Variants in DGLUCY observed in about 807,000 individuals in gnomAD.
The protein encoded by DGLUCY is D-glutamate cyclase, mitochondrial.
In DGLUCY, 58 loss-of-function variants were observed where a neutral mutation model predicts 58.5. The observed-to-expected ratio is 0.99, with a 90% CI of 0.80 to 1.23. The LOEUF is 1.23. DGLUCY is among the 50% of genes most tolerant of loss of function. DGLUCY has a pLI of 0.00. For synonymous variants in DGLUCY, 325 were observed against 314.1 expected, an observed-to-expected ratio of 1.03 and a Z score of -0.37; for missense variants, 779 against 784.7, an observed-to-expected ratio of 0.99 and a Z score of 0.09.
Position 91,114,266 on chromosome 14 carries a change from A to G in DGLUCY, c.-99A>G, listed in dbSNP as rs2044772408. ...GAGGAACTGTTTGTAGCCCTCGTCC[A>G]GACGCCCCAAACAAACAGTAAGTCA... On this transcript the variant is annotated 5_prime_UTR_variant, in exon 1 of 14. Coordinates refer to ENST00000256324, the MANE Select transcript of DGLUCY (RefSeq NM_001102368.3). 6.6e-6 allele frequency: 1 copy of G among 152,348 alleles called. No individual in the cohort carries two copies. The highest frequency in any genetic ancestry group is 2.4e-5 in the African/African-American group (1 of 41,474). The allele number at this position is 152,348 out of a possible 1,614,324, so 9.4% of individuals were successfully genotyped here. A position where few individuals can be genotyped will look rare whatever the true frequency, so the allele number is the denominator to read the frequency against.
At chr14:91,135,377 C>T (rs778993643) in intron 1 of DGLUCY, among the ~76,000 whole-genome samples, 3 of 152,106 alleles carry the variant, frequency 2.0e-5, no homozygotes, top group South Asian at 2.1e-4. Flanking sequence ...AGGCCAGGCA[C>T]GGTGGCTCAC....
intron 1 of DGLUCY, among the ~76,000 whole-genome samples, chr14:91,092,147 G>A (rs1289182182): frequency 6.6e-6 from 1 of 152,186 alleles, no homozygotes; most frequent in African/African-American, 2.4e-5. Flanking sequence ...TTCAGCCCAT[G>A]TTAATTTCAT....
rs542113509 is a variant in DGLUCY at position 91,086,213 on chromosome 14, C to T, written c.-82+25509C>T. Among the ~76,000 whole-genome samples the T allele has an allele frequency of 1.6e-4, 25 of 152,210 alleles. No homozygotes were observed. In the South Asian group the frequency reaches 5.0e-3, roughly 30 times the overall value. On this transcript the variant is annotated intron_variant, in intron 1 of 4. Transcript: ENST00000521334. ...AGCAAGGTCAGGGCTCCCACTGATT[C>T]TATATTATGGTGAGTATAATCATTT... is the stretch of plus-strand genomic sequence containing the variant.
At chr14:91,211,926 C>T (rs1413505398) in intron 12 of DGLUCY, among the ~76,000 whole-genome samples, 1 of 152,066 alleles carries the variant, frequency 6.6e-6, no homozygotes, top group African/African-American at 2.4e-5. Context: ...TCAGCCTCCC[C>T]AGTAGCTGGG....
At chr14:91,099,720 G>T (rs1035661004) in intron 1 of DGLUCY, among the ~76,000 whole-genome samples, 8 of 152,070 alleles carry the variant, frequency 5.3e-5, no homozygotes, top group African/African-American at 1.9e-4. Flanking sequence ...GGGTCAGTTG[G>T]GCTGAGAATC....
chr14:91,129,681 T>C (rs1329122804), intron 1 of DGLUCY, among the ~76,000 whole-genome samples: 1 of 152,036 alleles, frequency 6.6e-6, no homozygotes, highest in African/African-American at 2.4e-5. Context: ...AGTTTCACTC[T>C]TGTTGCCCAG....
intron 1 of DGLUCY, among the ~76,000 whole-genome samples, chr14:91,120,329 CTCT>C (rs2045270547): frequency 6.6e-6 from 1 of 152,146 alleles, no homozygotes; most frequent in Admixed American, 6.5e-5. Context: ...CCTCATCAGT[CTCT>C]TCTTGTATTT....
At chr14:91,171,267 T>C (rs1424106023) in intron 5 of DGLUCY, among the ~76,000 whole-genome samples, 1 of 152,202 alleles carries the variant, frequency 6.6e-6, no homozygotes, top group Non-Finnish European at 1.5e-5. Flanking sequence ...CTGTACAATG[T>C]CAATAACAGA....
chr14:91,143,973 C>G, intron 1 of DGLUCY, among the ~76,000 whole-genome samples: 1 of 152,290 alleles, frequency 6.6e-6, no homozygotes, highest in East Asian at 1.9e-4. Context: ...TGTGCCACCG[C>G]GAAGGGCCAC....
At chr14:91,076,480 G>A (rs2044024519) in intron 1 of DGLUCY, among the ~76,000 whole-genome samples, 1 of 151,944 alleles carries the variant, frequency 6.6e-6, no homozygotes. Context: ...TCCATCCAAG[G>A]TTGTCTGCAG....
Position 91,173,381 on chromosome 14 carries a change from G to T in DGLUCY, c.549G>T (p.Val183=), listed in dbSNP as rs989255751. ...PIPKDKLEGL[V]RACCSLGGEQ... Reference sequence around the variant, plus strand: ...CCAAGGACAAGCTGGAAGGGCTGGTGCGGGCCTGCTGCTCCCTCGGAGGTG... The same window carrying T: ...CCAAGGACAAGCTGGAAGGGCTGGTTCGGGCCTGCTGCTCCCTCGGAGGTG... Residue 183 remains valine (V), a synonymous_variant, in exon 6 of 14, where the codon GTG becomes GTT. Transcript: ENST00000256324. 6.2e-7 allele frequency: 1 copy of T among 1,612,998 alleles called. No homozygotes were observed. Among genetic ancestry groups the T allele is most frequent in the Admixed American group, 1.7e-5 (1 of 59,702 alleles).
chr14:91,064,433 G>C (rs1354131927), intron 1 of DGLUCY, among the ~76,000 whole-genome samples: 2 of 152,022 alleles, frequency 1.3e-5, no homozygotes, highest in East Asian at 3.9e-4. Context: ...GACCAGCCTG[G>C]TCAACAAGGT....
intron 1 of DGLUCY, among the ~76,000 whole-genome samples, chr14:91,152,629 C>T (rs937277795): frequency 1.4e-4 from 22 of 152,150 alleles, no homozygotes; most frequent in Non-Finnish European, 1.5e-4. Flanking sequence ...ATTTAGGCTA[C>T]CACCAGCAAC....
chr14:91,181,555 A>G (rs1273818713), intron 8 of DGLUCY, among the ~76,000 whole-genome samples, 166 bp downstream of exon 8: 1 of 152,228 alleles, frequency 6.6e-6, no homozygotes, highest in Admixed American at 6.5e-5. Flanking sequence ...CTAGAATTAA[A>G]TACACCAAAA....
chr14:91,163,339 G>A (rs374390511), intron 3 of DGLUCY, among the ~76,000 whole-genome samples: 3 of 152,294 alleles, frequency 2.0e-5, no homozygotes, highest in East Asian at 1.9e-4. Context: ...GGAGTGGGAG[G>A]CCTCTAAGCC....
chr14:91,190,279 G>A (rs536211765), intron 9 of DGLUCY, among the ~76,000 whole-genome samples: 130 of 152,236 alleles, frequency 8.5e-4, no homozygotes, highest in Non-Finnish European at 1.6e-3. Flanking sequence ...GAGCCACCGC[G>A]CCCGGCCTCT....
intron 6 of DGLUCY, 168 bp downstream of exon 6, chr14:91,173,607 G>A (rs1045245876): frequency 2.4e-5 from 23 of 956,646 alleles, no homozygotes; most frequent in Middle Eastern, 3.4e-4. Context: ...GGCCTAAGAA[G>A]CAGACAGGAG....
intron 12 of DGLUCY, among the ~76,000 whole-genome samples, chr14:91,206,276 A>G (rs960583581): frequency 2.0e-5 from 3 of 152,194 alleles, no homozygotes; most frequent in Non-Finnish European, 4.4e-5. Flanking sequence ...TTCACAGTCC[A>G]GGGCACAGGC....
chr14:91,187,129 A>G (rs1244116144), intron 8 of DGLUCY, among the ~76,000 whole-genome samples: 1 of 151,978 alleles, frequency 6.6e-6, no homozygotes, highest in East Asian at 1.9e-4. Context: ...CCTCCTGAGT[A>G]GCTGGGATTA....
Sources: allele counts gnomAD v4.1 joint callset (sites outside exome capture counted in the v4.1 genomes callset), GRCh38; gene constraint gnomAD v4.1.1; transcripts MANE v1.5; gene names NCBI Gene and HGNC (gene_info 2026-07-23, HGNC 2026-07-21).